Variants in PLEKHA7 observed in about 807,000 individuals in gnomAD.
The protein encoded by PLEKHA7 is pleckstrin homology domain containing A7.
PLEKHA7 carries 104 observed loss-of-function variants against 170.0 expected under a neutral mutation model. That is an observed-to-expected ratio of 0.61 (90% confidence interval 0.52 to 0.72). PLEKHA7 has a LOEUF of 0.72. Ranked by LOEUF, PLEKHA7 falls within the 30% of genes least tolerant of loss-of-function variation. The probability of loss-of-function intolerance (pLI) is 0.00; values close to 1 mark genes in which losing one functional copy is unlikely to be tolerated. For missense variants in PLEKHA7, 1,615 were observed against 1,671.7 expected, an observed-to-expected ratio of 0.97 and a Z score of 0.59; for synonymous variants, 648 against 660.8, an observed-to-expected ratio of 0.98 and a Z score of 0.30.
chr11:16,940,281 G>GTTTTTTTTTTTT (rs71047516), intron 3 of PLEKHA7, among the ~76,000 whole-genome samples: 1 of 110,408 alleles, frequency 9.1e-6, no homozygotes, highest in Non-Finnish European at 1.9e-5. Flanking sequence ...TTCTTCTGCT[G>GTTTTTTTTTTTT]TTTTTTTTTT....
chr11:16,842,601 A>AAC (rs1465648193), intron 8 of PLEKHA7: 1 of 151,608 alleles, frequency 6.6e-6, no homozygotes, highest in East Asian at 1.9e-4. Flanking sequence ...TTGCAAAAAA[A>AAC]AAAAAAAAAA....
intron 9 of PLEKHA7, among the ~76,000 whole-genome samples, chr11:16,830,824 T>C (rs1343272870): frequency 5.3e-5 from 8 of 152,188 alleles, no homozygotes; most frequent in African/African-American, 1.4e-4. Flanking sequence ...GGTAACCACA[T>C]TGAATACTGT....
intron 3 of PLEKHA7, among the ~76,000 whole-genome samples, chr11:16,900,891 G>T (rs1857289784): frequency 6.6e-6 from 1 of 151,472 alleles, no homozygotes; most frequent in South Asian, 2.1e-4. Flanking sequence ...TGTCACCCAG[G>T]CTGGAGTGCA....
chr11:16,945,393 C>A (rs904819978), intron 3 of PLEKHA7, among the ~76,000 whole-genome samples: 4 of 152,192 alleles, frequency 2.6e-5, no homozygotes, highest in African/African-American at 9.7e-5. Flanking sequence ...TGTTGGCCTA[C>A]CCTTCACACA....
chr11:16,817,014 T>C lies in PLEKHA7; in HGVS notation c.1652A>G (p.Gln551Arg), dbSNP rs1010559109. The C allele has an allele frequency of 6.9e-6, 11 of 1,603,560 alleles. No individual in the cohort carries two copies. Among genetic ancestry groups the C allele is most frequent in the Admixed American group, 1.7e-5 (1 of 59,470 alleles). Residue 551 changes from glutamine to arginine, a missense_variant, in exon 11 of 27, where the codon CAG becomes CGG. Physicochemically the swap from Gln to Arg is conservative, Grantham distance 43. Coordinates refer to ENST00000531066, the MANE Select transcript of PLEKHA7 (RefSeq NM_001329630.2). The surrounding 1 kb of genome is among the most constrained non-coding windows in gnomAD (Gnocchi z 4.4). ...CTCTAGCATGCTCCTGCTCCGGCCCTGGTCGGTGAACTCTGGGGAGCCAAG... is the reference window on the plus strand; with the variant it reads ...CTCTAGCATGCTCCTGCTCCGGCCCCGGTCGGTGAACTCTGGGGAGCCAAG... Reference protein sequence around the residue: ...ICLGSPEFTDQGRSRSMLEVP... With the variant: ...ICLGSPEFTDRGRSRSMLEVP...
chr11:16,907,178 G>A (rs1363266803), intron 3 of PLEKHA7, among the ~76,000 whole-genome samples: 4 of 75,228 alleles, frequency 5.3e-5, no homozygotes, highest in Admixed American at 1.7e-4. Flanking sequence ...TTAGCCCCCC[G>A]CCCGGCCAGC....
chr11:16,907,493 GC>G (rs1443498469), intron 3 of PLEKHA7, among the ~76,000 whole-genome samples: 6 of 113,438 alleles, frequency 5.3e-5, no homozygotes, highest in African/African-American at 1.6e-4. Context: ...CCGGCCAGCC[GC>G]CCCGTCCGGG....
chr11:16,961,494 G>C (rs1862056313), intron 3 of PLEKHA7, among the ~76,000 whole-genome samples: 1 of 152,224 alleles, frequency 6.6e-6, no homozygotes, highest in Non-Finnish European at 1.5e-5. Flanking sequence ...CGGGCTACAG[G>C]CAACCGGAGA....
At chr11:16,921,776 C>T (rs1236897315) in intron 3 of PLEKHA7, among the ~76,000 whole-genome samples, 1 of 152,170 alleles carries the variant, frequency 6.6e-6, no homozygotes, top group East Asian at 1.9e-4. Flanking sequence ...ATATGCAATG[C>T]TGCATTACAG....
chr11:16,920,266 A>C (rs910538913), intron 3 of PLEKHA7, among the ~76,000 whole-genome samples: 1 of 152,232 alleles, frequency 6.6e-6, no homozygotes, highest in Non-Finnish European at 1.5e-5. Context: ...TTTCCCCTAC[A>C]GTGCCTAGCA....
intron 9 of PLEKHA7, among the ~76,000 whole-genome samples, chr11:16,832,394 G>C (rs1430501110): frequency 6.6e-6 from 1 of 152,168 alleles, no homozygotes; most frequent in Non-Finnish European, 1.5e-5. Flanking sequence ...TGTCTGTTTA[G>C]AGCAAATTCT....
In PLEKHA7 at chr11:16,841,669, A is replaced by G. The variant is rs776049916; in HGVS notation, c.750T>C (p.Ser250=). 1 of 1,614,186 alleles carries G rather than the reference A, an allele frequency of 6.2e-7. No homozygotes were observed. The highest frequency in any genetic ancestry group is 1.1e-5 in the South Asian group (1 of 91,084). Residue 250 remains serine, a synonymous_variant, in exon 9 of 27, where the codon TCT becomes TCC. Coordinates refer to ENST00000531066, the MANE Select transcript of PLEKHA7 (RefSeq NM_001329630.2). ...TCCTCATGCCTGACTGCTCGGCCTG[A>G]GAGCCCGCTGTGGAGCTGTTATAGA... ...ALIYNSSTAG[S]QAEQSGMRTY... is the part of the protein sequence containing the mutation.
rs1239301399 is a variant in PLEKHA7 at position 16,826,379 on chromosome 11, T to C, written c.1084A>G (p.Arg362Gly). 3 of 1,614,254 alleles carry C rather than the reference T, an allele frequency of 1.9e-6. No homozygotes were observed. The highest frequency in any genetic ancestry group is 2.5e-6 in the Non-Finnish European group (3 of 1,180,046). Reference protein sequence around the residue: ...LEGKRDRSKARSPYSPAEEDA... With the variant: ...LEGKRDRSKAGSPYSPAEEDA... ...TCCTCGGCTGGCGAGTACGGAGACC[T>C]GGCCTTGCTCCGGTCCCGCTTGCCC... The change falls in exon 10 of 27, where the codon AGG becomes GGG. Residue 362 changes from arginine to glycine, a missense_variant. Arg to Gly is a moderately radical substitution (Grantham distance 125). Coordinates refer to ENST00000531066, the MANE Select transcript of PLEKHA7 (RefSeq NM_001329630.2).
At position 16,877,084 on chromosome 11, in the gene PLEKHA7, G is replaced by A. The variant is rs367951462; in HGVS notation, c.222-5902C>T. The stretch of plus-strand genomic sequence containing the variant: ...TGTAAGAAAAGTATCTGGCCTAAAA[G>A]TCTGAGGAGGGACTCTATTAAAGAT... On this transcript the variant is annotated intron_variant, in intron 3 of 26. Coordinates refer to ENST00000531066, the MANE Select transcript of PLEKHA7 (RefSeq NM_001329630.2). Among the ~76,000 whole-genome samples, 22 of 152,328 alleles carry A rather than the reference G, an allele frequency of 1.4e-4. No individual in the cohort carries two copies. In the East Asian group the frequency reaches 3.9e-3, roughly 27 times the overall value.
At chr11:17,005,569 G>A (rs1461116365) in intron 3 of PLEKHA7, among the ~76,000 whole-genome samples, 1 of 151,992 alleles carries the variant, frequency 6.6e-6, no homozygotes, top group Non-Finnish European at 1.5e-5. Flanking sequence ...AGAATGGAGA[G>A]GGTGCCATCA....
chr11:16,788,001 T>C (rs1389150270), intron 23 of PLEKHA7: 1 of 152,318 alleles, frequency 6.6e-6, no homozygotes, highest in Admixed American at 6.5e-5. Flanking sequence ...AGAAATTGTG[T>C]GATTGGACTA....
chr11:16,965,154 C>CAA (rs144198354), intron 3 of PLEKHA7, among the ~76,000 whole-genome samples: 19 of 150,410 alleles, frequency 1.3e-4, no homozygotes, highest in Middle Eastern at 3.4e-3. Context: ...ACAAAATATA[C>CAA]AAAAAAAAAC....
chr11:16,780,267 C>G (rs977723341), intron 26 of PLEKHA7, among the ~76,000 whole-genome samples: 5 of 152,246 alleles, frequency 3.3e-5, no homozygotes, highest in African/African-American at 4.8e-5. Context: ...TGTTTCAGGG[C>G]TCCCTCCTCA....
intron 3 of PLEKHA7, among the ~76,000 whole-genome samples, chr11:17,012,448 C>T (rs1341265358): frequency 6.6e-6 from 1 of 152,198 alleles, no homozygotes; most frequent in African/African-American, 2.4e-5. Flanking sequence ...ATGATGTCTC[C>T]TTCTTGTCAT....
Sources: allele counts gnomAD v4.1 joint callset (sites outside exome capture counted in the v4.1 genomes callset), GRCh38; gene constraint gnomAD v4.1.1; non-coding constraint Gnocchi (gnomAD v3.1); transcripts MANE v1.5; gene names NCBI Gene and HGNC (gene_info 2026-07-23, HGNC 2026-07-21).